Variants in DPYD observed in about 807,000 individuals in gnomAD.
The protein encoded by DPYD is dihydropyrimidine dehydrogenase.
DPYD carries 109 observed loss-of-function variants against 116.2 expected under a neutral mutation model. The observed-to-expected ratio is 0.94, with a 90% CI of 0.80 to 1.10. The LOEUF is 1.10. Ranked by LOEUF, DPYD falls within the 50% of genes least tolerant of loss-of-function variation. The pLI is 0.00. For missense variants in DPYD, 1,302 were observed against 1,254.5 expected, an observed-to-expected ratio of 1.04 and a Z score of -0.57; for synonymous variants, 440 against 432.0, an observed-to-expected ratio of 1.02 and a Z score of -0.23.
At chr1:97,881,497 T>C (rs924108631) in intron 2 of DPYD, among the ~76,000 whole-genome samples, 31 of 152,190 alleles carry the variant, frequency 2.0e-4, no homozygotes, top group African/African-American at 6.0e-4. Context: ...GTCAAAGATA[T>C]TGTCAAACTG....
chr1:97,781,050 G>T (rs1666714667), intron 3 of DPYD, among the ~76,000 whole-genome samples: 3 of 152,136 alleles, frequency 2.0e-5, no homozygotes, highest in South Asian at 2.1e-4. Flanking sequence ...GGGGCAATCT[G>T]CTTGGAGCAC....
At chr1:97,313,449 A>G (rs887077581) in intron 16 of DPYD, among the ~76,000 whole-genome samples, 2 of 151,634 alleles carry the variant, frequency 1.3e-5, no homozygotes, top group South Asian at 4.2e-4. Context: ...ACATAATGTG[A>G]TTATAAAATG....
intron 19 of DPYD, among the ~76,000 whole-genome samples, chr1:97,220,249 AG>A (rs1315179600): frequency 6.6e-6 from 1 of 152,098 alleles, no homozygotes; most frequent in African/African-American, 2.4e-5. Flanking sequence ...ACGAAGAGAA[AG>A]AAAGACCTGA....
intron 13 of DPYD, among the ~76,000 whole-genome samples, chr1:97,455,337 C>A (rs191105020): frequency 1.3e-5 from 2 of 151,946 alleles, no homozygotes; most frequent in Non-Finnish European, 2.9e-5. Context: ...TAACTGAAAT[C>A]GAAGAAACAT....
At chr1:97,826,841 T>A (rs994866769) in intron 3 of DPYD, among the ~76,000 whole-genome samples, 3 of 152,138 alleles carry the variant, frequency 2.0e-5, no homozygotes, top group African/African-American at 2.4e-5. Flanking sequence ...CTCTTTTTTT[T>A]ATTAGTAAAG....
intron 1 of DPYD, among the ~76,000 whole-genome samples, chr1:97,902,691 T>C (rs2101687953): frequency 6.6e-6 from 1 of 151,960 alleles, no homozygotes; most frequent in East Asian, 1.9e-4. Context: ...TGTTGCTATA[T>C]AATAAGAGGT....
At chr1:97,533,888 A>C (rs2297779) in intron 12 of DPYD, among the ~76,000 whole-genome samples, 24,009 of 152,132 alleles carry the variant, frequency 0.16, 2,086 homozygotes, top group Admixed American at 0.22. Flanking sequence ...TGTGAAGATC[A>C]AATGAGAAAA....
chr1:97,303,690 A>C (rs1427686511), intron 18 of DPYD, among the ~76,000 whole-genome samples: 1 of 152,068 alleles, frequency 6.6e-6, no homozygotes. Context: ...TTCAAAACAG[A>C]TTGTTTAATG....
intron 3 of DPYD, among the ~76,000 whole-genome samples, chr1:97,826,930 C>G (rs1431641963): frequency 6.6e-6 from 1 of 151,800 alleles, no homozygotes; most frequent in African/African-American, 2.4e-5. Flanking sequence ...CTTTTTGTGA[C>G]ATCATAATCA....
At chr1:97,602,030 A>T (rs1005337882) in intron 8 of DPYD, among the ~76,000 whole-genome samples, 4 of 152,010 alleles carry the variant, frequency 2.6e-5, no homozygotes, top group Non-Finnish European at 5.9e-5. Flanking sequence ...GAACATTTTT[A>T]AAAATGTTAT....
intron 2 of DPYD, among the ~76,000 whole-genome samples, chr1:97,838,252 A>AT (rs958162604): frequency 6.6e-6 from 1 of 152,180 alleles, no homozygotes; most frequent in Admixed American, 6.5e-5. Flanking sequence ...AGATAAAAAA[A>AT]TCCAGTTCTC....
intron 8 of DPYD, among the ~76,000 whole-genome samples, chr1:97,648,414 A>C (rs1176402283): frequency 1.3e-5 from 2 of 152,030 alleles, no homozygotes; most frequent in Non-Finnish European, 2.9e-5. Flanking sequence ...CTCAATAGAT[A>C]CTATGTCATG....
intron 20 of DPYD, among the ~76,000 whole-genome samples, chr1:97,157,539 C>T (rs1655561820): frequency 6.6e-6 from 1 of 152,122 alleles, no homozygotes; most frequent in African/African-American, 2.4e-5. Context: ...ATTATTAAGT[C>T]AGTTCTCTAT....
chr1:97,484,534 T>G (rs1020340614), intron 13 of DPYD, among the ~76,000 whole-genome samples: 1 of 152,170 alleles, frequency 6.6e-6, no homozygotes, highest in Non-Finnish European at 1.5e-5. Flanking sequence ...CACCATGTTC[T>G]TCATTTCTGG....
At chr1:97,722,012 GA>G (rs1219827342) in intron 4 of DPYD, among the ~76,000 whole-genome samples, 1 of 151,496 alleles carries the variant, frequency 6.6e-6, no homozygotes, top group Non-Finnish European at 1.5e-5. Flanking sequence ...TTTAACAAAT[GA>G]AAATTAGATG....
chr1:97,723,560 T>C (rs1249364998), intron 4 of DPYD, among the ~76,000 whole-genome samples: 3 of 151,614 alleles, frequency 2.0e-5, no homozygotes, highest in Non-Finnish European at 3.0e-5. Context: ...GTAGTTTTTA[T>C]TACATAGTTC....
chr1:97,289,717 C>G (rs1344314789), intron 18 of DPYD, among the ~76,000 whole-genome samples: 3 of 152,064 alleles, frequency 2.0e-5, no homozygotes, highest in Middle Eastern at 3.2e-3. Flanking sequence ...TATGACTAAC[C>G]CACAGCCAAT....
chr1:97,127,144 CAAGGCCTGA>C (rs1652908890), intron 20 of DPYD, among the ~76,000 whole-genome samples: 1 of 152,140 alleles, frequency 6.6e-6, no homozygotes, highest in Admixed American at 6.5e-5. Flanking sequence ...TGGACACGAA[CAAGGCCTGA>C]CAGCATATGC....
rs1649713870 is a variant in DPYD at position 97,532,666 on chromosome 1, T to C, written c.1525-16725A>G. Among the ~76,000 whole-genome samples, 6 of 152,222 alleles carry C rather than the reference T, an allele frequency of 3.9e-5. No individual in the cohort carries two copies. The South Asian group carries it at 1.2e-3, about 31-fold the overall frequency. On this transcript the variant is annotated intron_variant, in intron 12 of 22. Transcript: ENST00000370192. ...TCTAGGTTGTCAAATTTGTTCATAATAGTCCCTTATGGTCTTGCTTTTTAT... is the reference window on the plus strand; with the variant it reads ...TCTAGGTTGTCAAATTTGTTCATAACAGTCCCTTATGGTCTTGCTTTTTAT...
Sources: gnomAD v4.1 joint callset for allele counts (sites outside exome capture counted in the v4.1 genomes callset) on GRCh38, gnomAD v4.1.1 for gene constraint, MANE v1.5 for transcripts, NCBI Gene and HGNC (gene_info 2026-07-23, HGNC 2026-07-21) for gene names.